CTNNA2: variants seen among roughly 807,000 people sequenced by gnomAD.
The protein encoded by CTNNA2 is catenin alpha 2.
Under a neutral mutation model 101.0 loss-of-function variants are expected in CTNNA2, and 42 were observed. That is an observed-to-expected ratio of 0.42 (90% CI 0.32 to 0.54). The LOEUF (loss-of-function observed/expected upper bound fraction) is 0.54, where lower values mean the gene tolerates loss of function less well. CTNNA2 is among the 20% of genes least tolerant of loss of function. The pLI is 0.14. For missense variants in CTNNA2, 871 were observed against 1,223.1 expected, an observed-to-expected ratio of 0.71 and a Z score of 4.29; for synonymous variants, 450 against 456.4, an observed-to-expected ratio of 0.99 and a Z score of 0.18.
intron 7 of CTNNA2, among the ~76,000 whole-genome samples, chr2:80,252,780 C>T (rs112643611): frequency 6.6e-6 from 1 of 152,186 alleles, no homozygotes; most frequent in African/African-American, 2.4e-5. Context: ...TGCAAGCTCA[C>T]GAGGTTACAA....
At chr2:79,371,173 A>T (rs921829455) in intron 3 of CTNNA2, among the ~76,000 whole-genome samples, 1 of 151,886 alleles carries the variant, frequency 6.6e-6, no homozygotes, top group Non-Finnish European at 1.5e-5. Flanking sequence ...TTCTCTTGGG[A>T]CTTTTATTAG....
intron 2 of CTNNA2, among the ~76,000 whole-genome samples, chr2:79,209,797 A>G (rs1300426433): frequency 2.8e-5 from 1 of 35,916 alleles, no homozygotes; most frequent in Non-Finnish European, 4.7e-5. Context: ...TTCATGCCGG[A>G]CTTGACTTAA....
At chr2:80,363,209 A>G (rs1288216587) in intron 7 of CTNNA2, among the ~76,000 whole-genome samples, 1 of 152,004 alleles carries the variant, frequency 6.6e-6, no homozygotes, top group Non-Finnish European at 1.5e-5. Flanking sequence ...GAAAACAAGC[A>G]CAGAAATATT....
chr2:80,297,633 A>C (rs1426259643), intron 7 of CTNNA2, among the ~76,000 whole-genome samples: 1 of 152,150 alleles, frequency 6.6e-6, no homozygotes, highest in African/African-American at 2.4e-5. Context: ...GAATCCCAGA[A>C]AAACAAAAAA....
chr2:79,699,832 C>CGTGT (rs1553453391), intron 2 of CTNNA2, among the ~76,000 whole-genome samples: 33 of 137,462 alleles, frequency 2.4e-4, no homozygotes, highest in South Asian at 4.6e-4. Flanking sequence ...CACACACACA[C>CGTGT]GTGTGTGTAT....
chr2:80,152,008 A>G (rs375242239), intron 7 of CTNNA2, among the ~76,000 whole-genome samples: 1 of 152,356 alleles, frequency 6.6e-6, no homozygotes, highest in South Asian at 2.1e-4. Context: ...GCCAAATGGC[A>G]CTGTGGCCAC....
intron 9 of CTNNA2, among the ~76,000 whole-genome samples, chr2:80,526,575 C>T (rs370404240): frequency 8.0e-4 from 122 of 152,210 alleles, no homozygotes; most frequent in African/African-American, 2.4e-3. Context: ...TCAGGTGATC[C>T]GCCCACATCA....
At chr2:79,937,137 C>G (rs1432431936) in intron 7 of CTNNA2, among the ~76,000 whole-genome samples, 1 of 152,254 alleles carries the variant, frequency 6.6e-6, no homozygotes, top group Non-Finnish European at 1.5e-5. Flanking sequence ...TATTCAATTT[C>G]TTGTCATTTC....
chr2:79,655,345 A>G (rs1681535996), intron 2 of CTNNA2, among the ~76,000 whole-genome samples: 1 of 152,178 alleles, frequency 6.6e-6, no homozygotes, highest in African/African-American at 2.4e-5. Flanking sequence ...TTCCTGTTTG[A>G]TGGCTATATA....
chr2:80,305,290 G>C, intron 7 of CTNNA2: 1 of 985,418 alleles, frequency 1.0e-6, no homozygotes, highest in Non-Finnish European at 1.2e-6. Context: ...AGCCATCCAA[G>C]TCCCGGTGGT....
intron 7 of CTNNA2, among the ~76,000 whole-genome samples, chr2:79,917,356 C>T (rs1176459882): frequency 5.3e-5 from 8 of 152,194 alleles, no homozygotes; most frequent in African/African-American, 1.4e-4. Context: ...GTGTGAGCCA[C>T]CGTGCCTGGC....
intron 1 of CTNNA2, among the ~76,000 whole-genome samples, chr2:79,612,311 C>G (rs926172980): frequency 6.6e-6 from 1 of 152,062 alleles, no homozygotes; most frequent in Non-Finnish European, 1.5e-5. Context: ...AAGGGGAAGC[C>G]GTTTGAATTT....
At chr2:80,289,536 A>G (rs190906491) in intron 7 of CTNNA2, among the ~76,000 whole-genome samples, 20 of 152,310 alleles carry the variant, frequency 1.3e-4, no homozygotes, top group Admixed American at 1.2e-3. Context: ...CCCTGAGGCT[A>G]TTTTTATAAA....
At chr2:79,306,824 G>A (rs1676259292) in intron 2 of CTNNA2, among the ~76,000 whole-genome samples, 1 of 152,190 alleles carries the variant, frequency 6.6e-6, no homozygotes, top group Non-Finnish European at 1.5e-5. Context: ...ATGGCTATAA[G>A]ATGATGTATT....
intron 3 of CTNNA2, among the ~76,000 whole-genome samples, chr2:79,341,047 T>C (rs1677126427): frequency 6.6e-6 from 1 of 152,038 alleles, no homozygotes; most frequent in South Asian, 2.1e-4. Context: ...TAATCTCATT[T>C]ATTCTTCACA....
intron 8 of CTNNA2, among the ~76,000 whole-genome samples, chr2:80,400,623 G>T (rs1678468132): frequency 6.6e-6 from 1 of 151,870 alleles, no homozygotes; most frequent in Non-Finnish European, 1.5e-5. Context: ...CCCCACCATG[G>T]CTCTACACAA....
chr2:80,536,429 G>A (rs1170205302), intron 9 of CTNNA2, among the ~76,000 whole-genome samples: 1 of 152,030 alleles, frequency 6.6e-6, no homozygotes, highest in African/African-American at 2.4e-5. Context: ...GTGCTTTATG[G>A]ACCTTCGAAT....
At chr2:80,117,455 A>AGAGT (rs143379167) in intron 7 of CTNNA2, among the ~76,000 whole-genome samples, 2 of 145,882 alleles carry the variant, frequency 1.4e-5, no homozygotes, top group Non-Finnish European at 3.0e-5. Context: ...TTCCTGTGTG[A>AGAGT]GTGTGTGTGT....
chr2:80,622,800 T>C (rs140245117), intron 18 of CTNNA2, among the ~76,000 whole-genome samples: 180 of 151,870 alleles, frequency 1.2e-3, no homozygotes, highest in African/African-American at 4.0e-3. Context: ...AAGACTGGAA[T>C]TCCACGATTA....
Sources: allele counts gnomAD v4.1 joint callset (sites outside exome capture counted in the v4.1 genomes callset), GRCh38; gene constraint gnomAD v4.1.1; transcripts MANE v1.5; gene names NCBI Gene and HGNC (gene_info 2026-07-23, HGNC 2026-07-21).